The following PARL variants were observed in gnomAD, a reference collection of about 807,000 sequenced individuals.
PARL encodes the protein presenilin associated rhomboid like.
In PARL, 44 loss-of-function variants were observed where a neutral mutation model predicts 51.6. The observed-to-expected ratio is 0.85, with a 90% CI of 0.67 to 1.10. The LOEUF is 1.10. Ranked by LOEUF, PARL falls within the 50% of genes least tolerant of loss-of-function variation. The pLI is 0.00. For synonymous variants in PARL, 172 were observed against 164.0 expected (o/e 1.05, Z -0.37); for missense variants, 441 against 469.5 (o/e 0.94, Z 0.56).
chr3:183,854,831 AC>A (rs1730965142), intron 4 of PARL, among the ~76,000 whole-genome samples: 1 of 151,918 alleles, frequency 6.6e-6, no homozygotes, highest in African/African-American at 2.4e-5. Context: ...ATATGTCCAC[AC>A]AAAAATGTGC....
chr3:183,842,274 G>C, intron 6 of PARL, 24 bp downstream of exon 6: 1 of 1,609,650 alleles, frequency 6.2e-7, no homozygotes. Context: ...TACTCTCAAA[G>C]GCCCCGAGAT....
intron 1 of PARL, among the ~76,000 whole-genome samples, chr3:183,880,120 G>GTTATTCACCTCTTCCCATC (rs1734278390): frequency 6.6e-6 from 1 of 152,108 alleles, no homozygotes; most frequent in African/African-American, 2.4e-5. Context: ...ACAGGTTTAG[G>GTTATTCACCTCTTCCCATC]TTATTCACCT....
chr3:183,833,412 G>C (rs1182778585), intron 9 of PARL, 80 bp downstream of exon 9: 7 of 855,106 alleles, frequency 8.2e-6, no homozygotes, highest in Admixed American at 5.3e-5. Context: ...CCATGGGGAT[G>C]GGGGGTAGGG....
intron 9 of PARL, among the ~76,000 whole-genome samples, chr3:183,833,134 CAGGCAGGGGAGAGGA>C (rs1424159716): frequency 6.6e-6 from 1 of 152,106 alleles, no homozygotes. Context: ...GGTGGGACGC[CAGGCAGGGGAGAGGA>C]GGGCAGGAAA....
intron 5 of PARL, 89 bp downstream of exon 5, chr3:183,844,142 T>C: frequency 1.1e-6 from 1 of 905,870 alleles, no homozygotes; most frequent in Non-Finnish European, 1.9e-6. Context: ...GATAGGTAAT[T>C]CGTCTTTTTT....
chr3:183,828,326 C>A (rs1446070804), downstream of PARL, among the ~76,000 whole-genome samples: 1 of 152,234 alleles, frequency 6.6e-6, no homozygotes, highest in Non-Finnish European at 1.5e-5. Context: ...CCTATCCCAT[C>A]TCTGGAAAAC....
intron 4 of PARL, among the ~76,000 whole-genome samples, chr3:183,857,796 A>C (rs1466219818): frequency 6.6e-6 from 1 of 152,202 alleles, no homozygotes; most frequent in Non-Finnish European, 1.5e-5. Context: ...ACTTTGGAAC[A>C]ATTTGCTGCA....
intron 1 of PARL, among the ~76,000 whole-genome samples, chr3:183,872,733 A>AT (rs1262825205): frequency 3.3e-5 from 5 of 152,206 alleles, no homozygotes; most frequent in African/African-American, 1.2e-4. Context: ...CAAATGAAAC[A>AT]TAAGAATTTT....
At chr3:183,881,961 G>C (rs949691029) in intron 1 of PARL, among the ~76,000 whole-genome samples, 1 of 151,834 alleles carries the variant, frequency 6.6e-6, no homozygotes, top group African/African-American at 2.4e-5. Flanking sequence ...CCAACACTGG[G>C]AGGCAGAGGC....
At chr3:183,837,188 A>C (rs1444519329) in intron 7 of PARL, among the ~76,000 whole-genome samples, 1 of 152,224 alleles carries the variant, frequency 6.6e-6, no homozygotes, top group Non-Finnish European at 1.5e-5. Context: ...TACATATGAA[A>C]CAAATGTAAG....
At chr3:183,843,452 T>C (rs1048705979) in intron 5 of PARL, 8 of 170,812 alleles carry the variant, frequency 4.7e-5, no homozygotes, top group South Asian at 1.9e-4. Flanking sequence ...GAAGCAGAGG[T>C]TGCAGTGAGC....
At chr3:183,837,395 C>G (rs1438732775) in intron 7 of PARL, among the ~76,000 whole-genome samples, 1 of 152,182 alleles carries the variant, frequency 6.6e-6, no homozygotes, top group Non-Finnish European at 1.5e-5. Flanking sequence ...GAAACGGGTG[C>G]CCAGCAAAGG....
chr3:183,835,898 T>TC (rs1278087448), intron 7 of PARL, among the ~76,000 whole-genome samples: 6 of 151,614 alleles, frequency 4.0e-5, no homozygotes, highest in African/African-American at 1.5e-4. Flanking sequence ...ATAATTTGAT[T>TC]AGTTGATATG....
chr3:183,846,142 C>T (rs550588306), intron 4 of PARL, among the ~76,000 whole-genome samples: 3 of 151,770 alleles, frequency 2.0e-5, no homozygotes, highest in South Asian at 4.2e-4. Flanking sequence ...ACTGTCAAGA[C>T]GAGGATATGT....
In PARL at chr3:183,844,326, C is replaced by T. The variant is rs766122682; in HGVS notation, c.512G>A (p.Gly171Asp). 2 of 1,548,188 alleles carry T rather than the reference C, an allele frequency of 1.3e-6. No homozygotes were observed. The highest frequency in any genetic ancestry group is 2.7e-5 in the African/African-American group (2 of 73,656). The change falls in exon 5 of 10, where the codon GGT becomes GAT. Residue 171 changes from glycine (G) to aspartate (D), a missense_variant and splice_region_variant. Physicochemically the swap from Gly to Asp is moderately conservative, Grantham distance 94. Transcript: ENST00000317096. ...NLSDGQRTVT[G>D]IIAANVLVFC... Reference sequence around the variant, plus strand: ...TACAAGGACATTTGCAGCTATAATACCTACAAAATAAATATTTATAATTTA... The same window carrying T: ...TACAAGGACATTTGCAGCTATAATATCTACAAAATAAATATTTATAATTTA...
Position 183,842,285 on chromosome 3 carries a change from TAA to T in PARL, c.757+11_757+12del, listed in dbSNP as rs1560383742. 6.2e-7 allele frequency: 1 copy of T among 1,611,436 alleles called. No individual in the cohort carries two copies. The highest frequency in any genetic ancestry group is 8.5e-7 in the Non-Finnish European group (1 of 1,179,286). ...CTTATACTCTCAAAGGCCCCGAGAT[TAA>T]AGCATATTACCTGCAGATAGGTACA... On this transcript the variant is annotated intron_variant, in intron 6 of 9. Transcript: ENST00000317096.
At chr3:183,843,762 C>T (rs975499415) in intron 5 of PARL, among the ~76,000 whole-genome samples, 2 of 151,694 alleles carry the variant, frequency 1.3e-5, no homozygotes, top group Admixed American at 6.6e-5. Flanking sequence ...ACCCGGGAGG[C>T]GGAGCTTGCA....
At chr3:183,866,813 A>T in intron 2 of PARL, 48 bp from the exon 3 acceptor site, 1 of 1,279,926 alleles carries the variant, frequency 7.8e-7, no homozygotes, top group Non-Finnish European at 1.1e-6. Context: ...AGGGAAATAG[A>T]TCTATACATT....
intron 3 of PARL, among the ~76,000 whole-genome samples, chr3:183,863,487 TAA>T (rs895915251): frequency 1.3e-5 from 2 of 152,152 alleles, no homozygotes; most frequent in African/African-American, 4.8e-5. Context: ...TTTCCATGAT[TAA>T]AGTTTTAAAA....
Sources: allele counts gnomAD v4.1 joint callset (sites outside exome capture counted in the v4.1 genomes callset), GRCh38; gene constraint gnomAD v4.1.1; transcripts MANE v1.5; gene names NCBI Gene and HGNC (gene_info 2026-07-23, HGNC 2026-07-21).